Variants in EPB41 observed in about 807,000 individuals in gnomAD.
The protein encoded by EPB41 is protein 4.1.
EPB41 carries 65 observed loss-of-function variants against 108.0 expected under a neutral mutation model. The observed-to-expected ratio is 0.60, with a 90% CI of 0.49 to 0.74. EPB41 has a LOEUF of 0.74. Ranked by LOEUF, EPB41 falls within the 30% of genes least tolerant of loss-of-function variation. EPB41 has a pLI of 0.00. For missense variants in EPB41, 875 were observed against 1,037.0 expected (o/e 0.84, Z 2.15); for synonymous variants, 336 against 358.9 (o/e 0.94, Z 0.72).
At chr1:28,964,272 C>T (rs912916286) in intron 1 of EPB41, among the ~76,000 whole-genome samples, 28 of 152,198 alleles carry the variant, frequency 1.8e-4, no homozygotes, top group Middle Eastern at 3.4e-3. Context: ...GGTGAAATCC[C>T]GTCTCTACTA....
intron 17 of EPB41, among the ~76,000 whole-genome samples, chr1:29,100,420 C>G (rs1664912511): frequency 6.8e-6 from 1 of 146,860 alleles, no homozygotes; most frequent in Non-Finnish European, 1.5e-5. Flanking sequence ...CAAGATGGCG[C>G]CATTGCACTC....
At chr1:28,992,657 C>G (rs577273133) in intron 2 of EPB41, among the ~76,000 whole-genome samples, 26 of 152,290 alleles carry the variant, frequency 1.7e-4, no homozygotes, top group Admixed American at 3.9e-4. Flanking sequence ...CCACTGCACT[C>G]CAGCCTGGGC....
At position 28,987,619 on chromosome 1, in the gene EPB41, C is replaced by G. The variant is rs112485703; in HGVS notation, c.182C>G (p.Pro61Arg). The change falls in exon 2 of 21, where the codon CCT becomes CGT. Residue 61 changes from proline to arginine, a missense_variant. Transcript: ENST00000343067. ...CTGAAAGCTTCTAATGGAGACACTC[C>G]TACACATGAAGACTTGACCAAGAAC... ...QKLKASNGDT[P>R]THEDLTKNKE... 18 of 1,614,156 alleles carry G rather than the reference C, an allele frequency of 1.1e-5. 1 individual carries two copies. The highest frequency in any genetic ancestry group is 9.3e-5 in the African/African-American group (7 of 75,034).
chr1:28,942,383 G>A (rs984305316), intron 1 of EPB41, among the ~76,000 whole-genome samples: 1 of 152,218 alleles, frequency 6.6e-6, no homozygotes, highest in Non-Finnish European at 1.5e-5. Context: ...CCAAATTGGG[G>A]TTCCCACAAC....
chr1:29,045,744 G>C (rs545197157), intron 11 of EPB41, among the ~76,000 whole-genome samples: 73 of 147,416 alleles, frequency 5.0e-4, no homozygotes, highest in African/African-American at 1.7e-3. Context: ...AGGCCAAGGT[G>C]GGAGGATCGC....
intron 11 of EPB41, among the ~76,000 whole-genome samples, chr1:29,049,182 T>C (rs1644053431): frequency 6.6e-6 from 1 of 152,202 alleles, no homozygotes; most frequent in Non-Finnish European, 1.5e-5. Flanking sequence ...AGTTTTATGA[T>C]AGAGTAGTAA....
At chr1:29,015,848 C>T (rs2096571514) in intron 6 of EPB41, 81 bp downstream of exon 6, 1 of 937,108 alleles carries the variant, frequency 1.1e-6, no homozygotes, top group Non-Finnish European at 1.7e-6. Context: ...ACCATAAGCT[C>T]TGCTAATTCC....
chr1:29,024,309 T>C (rs940560184), intron 7 of EPB41, among the ~76,000 whole-genome samples: 10 of 143,524 alleles, frequency 7.0e-5, no homozygotes, highest in Middle Eastern at 4.1e-3. Flanking sequence ...CACTCTAGCC[T>C]GGGTGACAAA....
At position 28,997,235 on chromosome 1, in the gene EPB41, T is replaced by C. The variant is rs760586185; in HGVS notation, c.702T>C (p.Asp234=). ...TGCAGAAACATGCTAAGGGACAAGA[T>C]TTGCTTAAACGAGTATGTGAGCATC... ...CVVEKHAKGQ[D]LLKRVCEHLN... Residue 234 remains aspartate, a synonymous_variant, in exon 4 of 21, where the codon GAT becomes GAC. Coordinates refer to ENST00000343067, the MANE Select transcript of EPB41 (RefSeq NM_001376013.1). 2 of 1,613,990 alleles carry C rather than the reference T, an allele frequency of 1.2e-6. No homozygotes were observed. Among genetic ancestry groups the C allele is most frequent in the Non-Finnish European group, 8.5e-7 (1 of 1,179,846 alleles).
chr1:28,888,772 C>T (rs917654207), intron 1 of EPB41, among the ~76,000 whole-genome samples: 1 of 152,142 alleles, frequency 6.6e-6, no homozygotes, highest in African/African-American at 2.4e-5. Context: ...GGATTACAGG[C>T]GCCCGCCACC....
Position 29,060,429 on chromosome 1 carries a change from G to A in EPB41, c.1952G>A (p.Arg651Lys), listed in dbSNP as rs1175556075. Residue 651 changes from arginine (R) to lysine (K), a missense_variant, in exon 15 of 21, where the codon AGA becomes AAA. Physicochemically the swap from Arg to Lys is conservative, Grantham distance 26. Around this residue, in one of 3 missense-constraint regions of EPB41, gnomAD observed 519 missense variants for 627.3 expected, o/e 0.83. Transcript: ENST00000343067. ...CCCCTTTCATTTTCACAGAAAAAGAGAGAAAGACTAGATGGTGAAAACATT... is the reference window on the plus strand; with the variant it reads ...CCCCTTTCATTTTCACAGAAAAAGAAAGAAAGACTAGATGGTGAAAACATT... ...EDLIRMRKKK[R>K]ERLDGENIYI... 4.3e-6 allele frequency: 7 copies of A among 1,612,394 alleles called. No homozygotes were observed. Among genetic ancestry groups the A allele is most frequent in the South Asian group, 1.1e-5 (1 of 91,034 alleles).
chr1:28,930,883 T>G (rs1174042646), intron 1 of EPB41, among the ~76,000 whole-genome samples: 1 of 152,224 alleles, frequency 6.6e-6, no homozygotes, highest in African/African-American at 2.4e-5. Context: ...TTGTACCTTG[T>G]GATAAATAAT....
intron 1 of EPB41, among the ~76,000 whole-genome samples, chr1:28,923,223 GTA>G (rs2093239530): frequency 6.9e-6 from 1 of 145,266 alleles, no homozygotes; most frequent in South Asian, 2.2e-4. Flanking sequence ...AGCCTCCCAA[GTA>G]GCTGGGATTA....
intron 11 of EPB41, among the ~76,000 whole-genome samples, chr1:29,045,408 C>T (rs573761224): frequency 2.0e-5 from 3 of 152,098 alleles, no homozygotes; most frequent in South Asian, 2.1e-4. Flanking sequence ...GGCTGGAGTG[C>T]GATGGAGCGA....
chr1:29,017,321 C>T (rs2096590257), intron 6 of EPB41, among the ~76,000 whole-genome samples: 1 of 152,122 alleles, frequency 6.6e-6, no homozygotes, highest in South Asian at 2.1e-4. Context: ...AGATATGATT[C>T]TAATTAATTT....
At chr1:28,949,295 A>AT (rs2148930556) in intron 1 of EPB41, among the ~76,000 whole-genome samples, 2 of 152,244 alleles carry the variant, frequency 1.3e-5, no homozygotes, top group East Asian at 3.9e-4. Flanking sequence ...AATTTTAAAA[A>AT]TTAGCTAGGC....
At chr1:28,892,797 C>CT (rs995428093) in intron 1 of EPB41, among the ~76,000 whole-genome samples, 24,573 of 87,304 alleles carry the variant, frequency 0.28, 4,334 homozygotes, top group African/African-American at 0.41. Context: ...TTCCCAGGTT[C>CT]TTTTTTTTTT....
intron 1 of EPB41, among the ~76,000 whole-genome samples, chr1:28,941,217 AC>A (rs1363445106): frequency 6.6e-6 from 1 of 151,576 alleles, no homozygotes; most frequent in Non-Finnish European, 1.5e-5. Context: ...AAAAAAAAAA[AC>A]AAAACAAACA....
chr1:29,030,359 CTA>C, intron 7 of EPB41, 39 bp from the exon 8 acceptor site: 1 of 1,476,052 alleles, frequency 6.8e-7, no homozygotes, highest in Non-Finnish European at 9.5e-7. Context: ...AATGATGACA[CTA>C]TAACACTGAA....
Sources: gnomAD v4.1 joint callset for allele counts (sites outside exome capture counted in the v4.1 genomes callset) on GRCh38, gnomAD v4.1.1 for gene constraint, gnomAD v4.1.1 regional missense constraint, MANE v1.5 for transcripts, NCBI Gene and HGNC (gene_info 2026-07-23, HGNC 2026-07-21) for gene names.